The following ATG4C variants were observed in gnomAD, a reference collection of about 807,000 sequenced individuals.
ATG4C encodes the protein autophagy related 4C cysteine peptidase, also known as cysteine protease ATG4C.
In ATG4C, 56 loss-of-function variants were observed where a neutral mutation model predicts 57.6. The ratio of observed to expected loss-of-function variants is 0.97; its 90% CI spans 0.78 to 1.21. ATG4C has a LOEUF of 1.21. ATG4C is among the 50% of genes most tolerant of loss of function. ATG4C has a pLI of 0.00. For missense variants in ATG4C, 595 were observed against 529.8 expected (o/e 1.12, Z -1.21); for synonymous variants, 157 against 174.1 (o/e 0.90, Z 0.78).
intron 1 of ATG4C, among the ~76,000 whole-genome samples, chr1:62,798,517 G>A (rs17097061): frequency 0.039 from 5,980 of 152,128 alleles, 422 homozygotes; most frequent in African/African-American, 0.14. Context: ...CTCTTCAATC[G>A]GAATTTTTGG....
intron 10 of ATG4C, among the ~76,000 whole-genome samples, chr1:62,858,143 C>T (rs79514711): frequency 0.03 from 4,535 of 152,226 alleles, 102 homozygotes; most frequent in Admixed American, 0.047. Flanking sequence ...GAAAACAGTT[C>T]GTATTATTTG....
chr1:62,816,845 G>GT (rs759380319), intron 4 of ATG4C, 37 bp downstream of exon 4: 40 of 1,424,236 alleles, frequency 2.8e-5, no homozygotes, highest in Admixed American at 5.5e-5. Flanking sequence ...GTTTTGTTTT[G>GT]TTTTTTTGTC....
At chr1:62,854,341 C>T (rs1388503323) in intron 10 of ATG4C, among the ~76,000 whole-genome samples, 3 of 149,578 alleles carry the variant, frequency 2.0e-5, no homozygotes, top group East Asian at 2.0e-4. Flanking sequence ...TGCAGTGGCG[C>T]GATCTTGGTT....
chr1:62,820,635 A>G (rs887259858), intron 5 of ATG4C, among the ~76,000 whole-genome samples: 2 of 152,064 alleles, frequency 1.3e-5, no homozygotes, highest in Non-Finnish European at 1.5e-5. Flanking sequence ...TTTTACTTAT[A>G]TAATTTCAAG....
chr1:62,805,357 T>A (rs967173986), intron 3 of ATG4C, 102 bp downstream of exon 3: 9 of 1,328,646 alleles, frequency 6.8e-6, no homozygotes, highest in Non-Finnish European at 8.7e-6. Flanking sequence ...CAGTATTTCT[T>A]TTAAGTATTT....
chr1:62,825,140 G>T (rs985274752), intron 6 of ATG4C, among the ~76,000 whole-genome samples: 1 of 151,762 alleles, frequency 6.6e-6, no homozygotes, highest in Non-Finnish European at 1.5e-5. Flanking sequence ...GGAGGCTGAG[G>T]CAGGAGAATC....
intron 10 of ATG4C, among the ~76,000 whole-genome samples, chr1:62,855,063 G>C (rs373401720): frequency 4.0e-5 from 6 of 151,804 alleles, no homozygotes; most frequent in Non-Finnish European, 7.4e-5. Flanking sequence ...TGGCTGGAGA[G>C]GGGGGTGAAG....
intron 3 of ATG4C, among the ~76,000 whole-genome samples, chr1:62,815,388 C>T (rs911218650): frequency 3.9e-5 from 6 of 152,058 alleles, no homozygotes; most frequent in African/African-American, 1.4e-4. Context: ...TCACCTTCTC[C>T]CTCTTGGTCT....
At position 62,805,167 on chromosome 1, in the gene ATG4C, G is replaced by A; in HGVS notation, c.77-5G>A. ...GTTTTCTTTTCTTTTTTTTTTTTTT[G>A]CTAGGTTGGGTGTTGAAAACAAAGA... On this transcript the variant is annotated splice_polypyrimidine_tract_variant and splice_region_variant and intron_variant, in intron 2 of 10. Transcript: ENST00000317868. 1.5e-6 allele frequency: 2 copies of A among 1,311,218 alleles called. No homozygotes were observed. The highest frequency in any genetic ancestry group is 1.9e-6 in the Non-Finnish European group (2 of 1,042,126). 81.2% of individuals were successfully genotyped at this position (1,311,218 alleles called of 1,614,324 possible).
chr1:62,859,007 T>C (rs1167675752), intron 10 of ATG4C, among the ~76,000 whole-genome samples: 1 of 152,212 alleles, frequency 6.6e-6, no homozygotes, highest in Non-Finnish European at 1.5e-5. Flanking sequence ...GATTTCATTG[T>C]TGTGCGAACA....
At chr1:62,810,030 T>G (rs999245110) in intron 3 of ATG4C, among the ~76,000 whole-genome samples, 1 of 123,034 alleles carries the variant, frequency 8.1e-6, no homozygotes, top group Non-Finnish European at 1.8e-5. Context: ...GAGAATATGT[T>G]TAACTTACGA....
At chr1:62,837,300 T>C (rs745845869) in intron 9 of ATG4C, among the ~76,000 whole-genome samples, 1 of 152,198 alleles carries the variant, frequency 6.6e-6, no homozygotes, top group Non-Finnish European at 1.5e-5. Context: ...TATATTTGGA[T>C]CCTAAGTCTA....
At chr1:62,797,096 G>A (rs1297497554) in intron 1 of ATG4C, among the ~76,000 whole-genome samples, 2 of 152,004 alleles carry the variant, frequency 1.3e-5, no homozygotes, top group African/African-American at 4.8e-5. Context: ...AACAGAGCAA[G>A]ACTCTGTCTC....
At chr1:62,816,448 G>C (rs947821489) in intron 3 of ATG4C, 127 bp from the exon 4 acceptor site, 5 of 647,854 alleles carry the variant, frequency 7.7e-6, no homozygotes, top group Non-Finnish European at 1.2e-5. Flanking sequence ...TATTTTAAAA[G>C]ATAAAATTAG....
At chr1:62,808,546 G>A (rs1205155190) in intron 3 of ATG4C, among the ~76,000 whole-genome samples, 3 of 152,068 alleles carry the variant, frequency 2.0e-5, no homozygotes, top group African/African-American at 7.2e-5. Flanking sequence ...ATATACTGAA[G>A]AAGAAGGATC....
intron 10 of ATG4C, among the ~76,000 whole-genome samples, chr1:62,842,679 A>G (rs1304130414): frequency 1.3e-5 from 2 of 152,178 alleles, no homozygotes; most frequent in African/African-American, 2.4e-5. Flanking sequence ...AACGTTTCAT[A>G]TAAGCTAGAT....
chr1:62,834,928 C>T, intron 9 of ATG4C, 76 bp downstream of exon 9: 2 of 1,245,970 alleles, frequency 1.6e-6, no homozygotes, highest in Non-Finnish European at 2.3e-6. Flanking sequence ...TGCTAGGTAG[C>T]TATGCTTTTA....
chr1:62,825,846 A>T (rs1048024100), intron 6 of ATG4C, among the ~76,000 whole-genome samples: 2 of 151,660 alleles, frequency 1.3e-5, no homozygotes, highest in Non-Finnish European at 2.9e-5. Context: ...CTGTGACTCA[A>T]TTTTTTCTCT....
At chr1:62,815,604 C>T (rs911239364) in intron 3 of ATG4C, among the ~76,000 whole-genome samples, 2 of 152,282 alleles carry the variant, frequency 1.3e-5, no homozygotes, top group African/African-American at 4.8e-5. Flanking sequence ...AATCATGGCT[C>T]AATGCAGCCT....
Sources: gnomAD v4.1 joint callset for allele counts (sites outside exome capture counted in the v4.1 genomes callset) on GRCh38, gnomAD v4.1.1 for gene constraint, MANE v1.5 for transcripts, NCBI Gene and HGNC (gene_info 2026-07-23, HGNC 2026-07-21) for gene names.